Variants in ACOT7 observed in about 807,000 individuals in gnomAD.
ACOT7 encodes cytosolic acyl coenzyme A thioester hydrolase.
Under a neutral mutation model 40.2 loss-of-function variants are expected in ACOT7, and 12 were observed. The ratio of observed to expected loss-of-function variants is 0.30; its 90% CI spans 0.19 to 0.48. The LOEUF (loss-of-function observed/expected upper bound fraction) is 0.48. Ranked by LOEUF, ACOT7 falls within the 20% of genes least tolerant of loss-of-function variation. ACOT7 has a pLI of 0.99. For synonymous variants in ACOT7, 228 were observed against 219.5 expected (o/e 1.04, Z -0.34); for missense variants, 395 against 530.8 (o/e 0.74, Z 2.51).
chr1:6,349,681 G>A (rs1364898183), intron 2 of ACOT7, 68 bp downstream of exon 2: 7 of 1,472,434 alleles, frequency 4.8e-6, no homozygotes, highest in Non-Finnish European at 6.5e-6. Context: ...GCTCCCCGGG[G>A]AACTCCTGTC....
chr1:6,333,351 C>A, intron 4 of ACOT7, 126 bp downstream of exon 4: 1 of 1,050,384 alleles, frequency 9.5e-7, no homozygotes, highest in Non-Finnish European at 1.4e-6. Flanking sequence ...GGACCTGGCC[C>A]CCTGTGCCCT....
Position 6,336,333 on chromosome 1 carries a change from C to CAAAAA in ACOT7, c.419-2770_419-2766dup, listed in dbSNP as rs3029068. 3.5e-3 allele frequency among the ~76,000 whole-genome samples: 185 copies of CAAAAA among 52,768 alleles called. 6 individuals are homozygous for CAAAAA. The highest frequency in any genetic ancestry group is 4.5e-3 in the African/African-American group (58 of 12,786). 34.6% of individuals were successfully genotyped at this position (52,768 alleles called of 152,430 possible). A position where few individuals can be genotyped will look rare whatever the true frequency, so the allele number is the denominator to read the frequency against. On this transcript the variant is annotated intron_variant, in intron 3 of 8. Coordinates refer to ENST00000361521, the MANE Select transcript of ACOT7 (RefSeq NM_007274.4). ...TGCACGACAGAGCAAGACTCGGTCT[C>CAAAAA]AAAAAAAAAAAAAAAAAAAAAAAAA... is the stretch of plus-strand genomic sequence containing the variant.
intron 7 of ACOT7, among the ~76,000 whole-genome samples, chr1:6,283,162 GA>G (rs1387686815): frequency 2.0e-5 from 3 of 152,210 alleles, no homozygotes; most frequent in Non-Finnish European, 4.4e-5. Flanking sequence ...AGGAGCAACA[GA>G]AAACGTGTTT....
chr1:6,335,322 T>C (rs1641069809), intron 3 of ACOT7, among the ~76,000 whole-genome samples: 1 of 83,144 alleles, frequency 1.2e-5, no homozygotes, highest in African/African-American at 4.8e-5. Context: ...AGCAAAACTC[T>C]GCCTCAAAAA....
At chr1:6,343,790 T>C (rs894089124) in intron 2 of ACOT7, among the ~76,000 whole-genome samples, 1 of 152,260 alleles carries the variant, frequency 6.6e-6, no homozygotes, top group Non-Finnish European at 1.5e-5. Flanking sequence ...CGGTATGCTA[T>C]GCTGACACAG....
At chr1:6,276,222 C>G (rs115637623) in intron 8 of ACOT7, among the ~76,000 whole-genome samples, 2,513 of 152,162 alleles carry the variant, frequency 0.017, 60 homozygotes, top group African/African-American at 0.058. Flanking sequence ...ACCTGAGGTG[C>G]CAGGGACGTC....
At chr1:6,389,790 A>AT (rs1293583062) in intron 1 of ACOT7, among the ~76,000 whole-genome samples, 1 of 149,714 alleles carries the variant, frequency 6.7e-6, no homozygotes, top group Non-Finnish European at 1.5e-5. Flanking sequence ...AAAAAAAAAA[A>AT]GAAAGAAAAA....
intron 1 of ACOT7, among the ~76,000 whole-genome samples, chr1:6,375,254 C>T (rs1342936110): frequency 1.4e-5 from 2 of 141,994 alleles, no homozygotes; most frequent in Non-Finnish European, 3.0e-5. Flanking sequence ...CAGAGCGAGA[C>T]TCCTCTCAAA....
chr1:6,332,141 C>T (rs1230265883), intron 4 of ACOT7, among the ~76,000 whole-genome samples: 2 of 152,258 alleles, frequency 1.3e-5, no homozygotes, highest in South Asian at 2.1e-4. Flanking sequence ...CAATTCCTGA[C>T]AATCTGGTTC....
At chr1:6,303,874 G>A (rs767069139) in intron 6 of ACOT7, among the ~76,000 whole-genome samples, 4 of 152,182 alleles carry the variant, frequency 2.6e-5, no homozygotes, top group Non-Finnish European at 5.9e-5. Flanking sequence ...AGCTGCCCAC[G>A]CCCATTGATT....
intron 3 of ACOT7, among the ~76,000 whole-genome samples, chr1:6,335,937 C>T (rs939308281): frequency 1.3e-5 from 2 of 152,234 alleles, no homozygotes; most frequent in African/African-American, 4.8e-5. Context: ...GTTTCCATGA[C>T]AACTCGAGTG....
rs1639746984 is a variant in ACOT7, at chr1:6,294,126, GA to G, written c.829+737del. Among the ~76,000 whole-genome samples the G allele has an allele frequency of 6.6e-6, 1 of 152,250 alleles. No homozygotes were observed. The highest frequency in any genetic ancestry group is 1.5e-5 in the Non-Finnish European group (1 of 68,046). ...ATCAGCACCAGGCCCTGACGATGCT[GA>G]CACCACCCTCGGTCTGTGAGGCAGT... is the stretch of plus-strand genomic sequence containing the variant. On this transcript the variant is annotated intron_variant, in intron 7 of 8. Coordinates refer to ENST00000361521, the MANE Select transcript of ACOT7 (RefSeq NM_007274.4). The surrounding 1 kb of genome is among the most constrained non-coding windows in gnomAD (Gnocchi z 4.6).
chr1:6,365,574 C>T (rs533169962), intron 1 of ACOT7, among the ~76,000 whole-genome samples: 1 of 152,126 alleles, frequency 6.6e-6, no homozygotes, highest in East Asian at 1.9e-4. Flanking sequence ...TCGAGACCAT[C>T]CTGGCTAACA....
Position 6,328,488 on chromosome 1 carries a change from C to A in ACOT7, c.511-1075G>T, listed in dbSNP as rs1051238058. Among the ~76,000 whole-genome samples the A allele has an allele frequency of 2.0e-5, 3 of 151,870 alleles. No homozygotes were observed. In the East Asian group the frequency reaches 5.8e-4, roughly 30 times the overall value. Reference sequence around the variant, plus strand: ...CTAGCCTGGCCAACATGGTGAAACCCCTGGCCAACATGGTGAAACCCCGCC... The same window carrying A: ...CTAGCCTGGCCAACATGGTGAAACCACTGGCCAACATGGTGAAACCCCGCC... On this transcript the variant is annotated intron_variant, in intron 4 of 8. Transcript: ENST00000361521.
At chr1:6,340,793 TGGGAGGCCGAGGTGGGC>T (rs1220074378) in intron 2 of ACOT7, among the ~76,000 whole-genome samples, 4 of 152,028 alleles carry the variant, frequency 2.6e-5, no homozygotes, top group Non-Finnish European at 5.9e-5. Flanking sequence ...TCCAGAACTT[TGGGAGGCCGAGGTGGGC>T]GGATCACATG....
In ACOT7 at chr1:6,282,719, C is replaced by G; in HGVS notation, c.830-1433G>C. The G allele has an allele frequency of 7.7e-7, 1 of 1,303,994 alleles. No individual in the cohort carries two copies. The highest frequency in any genetic ancestry group is 1.2e-5 in the South Asian group (1 of 81,028). The allele number at this position is 1,303,994 out of a possible 1,614,324, so 80.8% of individuals were successfully genotyped here. On this transcript the variant is annotated intron_variant, in intron 7 of 8. Transcript: ENST00000361521. This position sits in a 1 kb window ranked among gnomAD's most constrained non-coding sequence, Gnocchi z 4.5. ...GATCCATGCTACATTCAACTTCATA[C>G]TTACAGGGAGCACTTCGTGCCAGTG... is the stretch of plus-strand genomic sequence containing the variant.
intron 7 of ACOT7, among the ~76,000 whole-genome samples, chr1:6,292,486 C>T (rs968384390): frequency 6.6e-6 from 1 of 152,200 alleles, no homozygotes; most frequent in Non-Finnish European, 1.5e-5. Context: ...GTCCGAGTTG[C>T]CCCAGATGTC....
intron 1 of ACOT7, among the ~76,000 whole-genome samples, chr1:6,378,780 G>A (rs1436751130): frequency 2.0e-5 from 3 of 151,968 alleles, no homozygotes; most frequent in African/African-American, 7.2e-5. Context: ...CAGAAAGGCT[G>A]GCGAGGGCAG....
chr1:6,323,460 G>A (rs1640703185), intron 5 of ACOT7, among the ~76,000 whole-genome samples: 1 of 152,134 alleles, frequency 6.6e-6, no homozygotes, highest in Admixed American at 6.5e-5. Flanking sequence ...GCTCACGCCT[G>A]TAATCCCAAC....
Sources: allele counts gnomAD v4.1 joint callset (sites outside exome capture counted in the v4.1 genomes callset), GRCh38; gene constraint gnomAD v4.1.1; non-coding constraint Gnocchi (gnomAD v3.1); transcripts MANE v1.5; gene names NCBI Gene and HGNC (gene_info 2026-07-23, HGNC 2026-07-21).